Variants in KIF26A observed in about 807,000 individuals in gnomAD.
The protein encoded by KIF26A is kinesin family member 26A.
Under a neutral mutation model 126.0 loss-of-function variants are expected in KIF26A, and 74 were observed. The ratio of observed to expected loss-of-function variants is 0.59; its 90% CI spans 0.49 to 0.71. The LOEUF (loss-of-function observed/expected upper bound fraction) is 0.71, where lower values mean the gene tolerates loss of function less well. Ranked by LOEUF, KIF26A falls within the 30% of genes least tolerant of loss-of-function variation. The pLI, the probability that KIF26A is intolerant of heterozygous loss-of-function variation, is 0.00. For synonymous variants in KIF26A, 1,445 were observed against 1,232.7 expected, an observed-to-expected ratio of 1.17 and a Z score of -3.61; for missense variants, 2,984 against 2,763.3, an observed-to-expected ratio of 1.08 and a Z score of -1.79.
In KIF26A at chr14:104,170,108, C is replaced by T. The variant is rs912174099; in HGVS notation, c.1114-1615C>T. 5.3e-5 allele frequency among the ~76,000 whole-genome samples: 8 copies of T among 152,182 alleles called. No homozygotes were observed. In the East Asian group the frequency reaches 1.3e-3, roughly 26 times the overall value. The stretch of plus-strand genomic sequence containing the variant: ...AAGGGTGGCCGGCAGACGTAGAGAG[C>T]CAAACCGTGAGCCTCTCCACGCCAC... On this transcript the variant is annotated intron_variant, in intron 5 of 14. Transcript: ENST00000423312.
chr14:104,138,997 C>T (rs947983059), intron 1 of KIF26A, 46 bp from the exon 2 acceptor site: 6 of 1,323,410 alleles, frequency 4.5e-6, no homozygotes, highest in Non-Finnish European at 5.8e-6. Context: ...CTGGATCCGA[C>T]GGACGTCCCA....
chr14:104,154,362 G>GCATCCCTTCT (rs2037757943), intron 3 of KIF26A, among the ~76,000 whole-genome samples: 1 of 152,208 alleles, frequency 6.6e-6, no homozygotes, highest in Non-Finnish European at 1.5e-5. Context: ...AACGTTACTG[G>GCATCCCTTCT]GTCTGGCCAG....
chr14:104,178,451 C>T lies in KIF26A; in HGVS notation c.5111-99C>T, dbSNP rs2038060693. 1.9e-5 allele frequency: 17 copies of T among 915,556 alleles called. No homozygotes were observed. In the South Asian group the frequency reaches 3.9e-4, roughly 21 times the overall value. 56.7% of individuals were successfully genotyped at this position (915,556 alleles called of 1,614,324 possible). A position where few individuals can be genotyped will look rare whatever the true frequency, so the allele number is the denominator to read the frequency against. On this transcript the variant is annotated intron_variant, in intron 12 of 14. Transcript: ENST00000423312. ...TTCCTGGACTGGATCCCGAAGGCCT[C>T]CCTGTCAGGACTCGGGCCGGCTCCG... is the stretch of plus-strand genomic sequence containing the variant.
intron 13 of KIF26A, 33 bp downstream of exon 13, chr14:104,178,788 C>T (rs769601915): frequency 7.9e-7 from 1 of 1,263,954 alleles, no homozygotes; most frequent in Non-Finnish European, 1.1e-6. Flanking sequence ...GTCTATGACC[C>T]CTGGTGGGGA....
chr14:104,179,845 G>T lies in KIF26A; in HGVS notation c.*55G>T. On this transcript the variant is annotated 3_prime_UTR_variant, in exon 15 of 15. Transcript: ENST00000423312. ...TGCAGCGGGCTGGAGGACGGGACGT[G>T]GGACGGAGCGAGGATGTGGTGGGGG... is the stretch of plus-strand genomic sequence containing the variant. 6.9e-7 allele frequency: 1 copy of T among 1,459,186 alleles called. No individual in the cohort carries two copies. Among genetic ancestry groups the T allele is most frequent in the Admixed American group, 2.3e-5 (1 of 44,286 alleles). 90.4% of individuals were successfully genotyped at this position (1,459,186 alleles called of 1,614,324 possible). A position where few individuals can be genotyped will look rare whatever the true frequency, so the allele number is the denominator to read the frequency against.
chr14:104,169,585 A>G (rs1274793906), intron 5 of KIF26A, among the ~76,000 whole-genome samples: 2 of 152,272 alleles, frequency 1.3e-5, no homozygotes, highest in South Asian at 2.1e-4. Context: ...CTAATGTCAC[A>G]TAGTCAGAAA....
rs745819267 is a variant in KIF26A at position 104,177,795 on chromosome 14, C to A, written c.5007C>A (p.Ala1669=). The change falls in exon 12 of 15, where the codon GCC becomes GCA. Residue 1669 remains alanine (A), a synonymous_variant. Transcript: ENST00000423312. Reference sequence around the variant, plus strand: ...AGAGCCTGCGGCGCGACAGCGAGGCCACCGGCAGCGCCTCCTCCGCCCCTG... The same window carrying A: ...AGAGCCTGCGGCGCGACAGCGAGGCAACCGGCAGCGCCTCCTCCGCCCCTG... ...GYESLRRDSE[A]TGSASSAPDS... is the part of the protein sequence containing the mutation. 3.8e-5 allele frequency: 59 copies of A among 1,557,294 alleles called. No individual in the cohort carries two copies. Among genetic ancestry groups the A allele is most frequent in the Middle Eastern group, 1.7e-4 (1 of 5,826 alleles).
rs989945071 is a variant in KIF26A, at chr14:104,141,489, C to T, written c.288+2201C>T. 9.9e-5 allele frequency among the ~76,000 whole-genome samples: 15 copies of T among 152,188 alleles called. 1 individual carries two copies. The highest frequency in any genetic ancestry group is 8.5e-4 in the Admixed American group (13 of 15,286). On this transcript the variant is annotated intron_variant, in intron 2 of 14. Transcript: ENST00000423312. ...CCTGGCTATTAGAGGCCCTCGCCTC[C>T]GGGCTTCCTGCCTGTCTCCGTTGTA...
chr14:104,175,509 C>G lies in KIF26A; in HGVS notation c.2721C>G (p.Thr907=). 1 of 1,597,484 alleles carries G rather than the reference C, an allele frequency of 6.3e-7. No individual in the cohort carries two copies. The highest frequency in any genetic ancestry group is 8.5e-7 in the Non-Finnish European group (1 of 1,178,374). The change falls in exon 12 of 15, where the codon ACC becomes ACG. Residue 907 remains threonine, a synonymous_variant. Transcript: ENST00000423312. Reference sequence around the variant, plus strand: ...CTCGAGGCAGTTCTGGTCCAGACACCCACCAGGGTACCCCTGAGCCCTGCA... The same window carrying G: ...CTCGAGGCAGTTCTGGTCCAGACACGCACCAGGGTACCCCTGAGCCCTGCA... ...STPRGSSGPD[T]HQGTPEPCKA...
rs1483794382 is a variant in KIF26A, at chr14:104,172,012, G to C, written c.1326+77G>C. The stretch of plus-strand genomic sequence containing the variant: ...GGCTCAGCACATGGGTCCGATCTGC[G>C]CCCGCTTCTCCGTGCAGGGCGCAGA... On this transcript the variant is annotated intron_variant, in intron 6 of 14. Coordinates refer to ENST00000423312, the MANE Select transcript of KIF26A (RefSeq NM_015656.2). The C allele has an allele frequency of 5.1e-6, 7 of 1,363,004 alleles. No individual in the cohort carries two copies. The Admixed American group carries it at 8.2e-5, about 16-fold the overall frequency. 84.4% of individuals were successfully genotyped at this position (1,363,004 alleles called of 1,614,324 possible).
rs757773777 is a variant in KIF26A at position 104,173,270 on chromosome 14, A to AG, written c.1683+37dup. On this transcript the variant is annotated intron_variant, in intron 8 of 14. Transcript: ENST00000423312. ...CCTGCCTACTGTCCCACCTTGGGGG[A>AG]GGGGGGCTGCACTTGGCCCTGAGCC... The AG allele has an allele frequency of 3.7e-6, 6 of 1,601,058 alleles. No homozygotes were observed. The African/African-American group carries it at 5.4e-5, about 14-fold the overall frequency.
rs776383794 is a variant in KIF26A at position 104,175,982 on chromosome 14, C to T, written c.3194C>T (p.Ala1065Val). The change falls in exon 12 of 15, where the codon GCC becomes GTC. Residue 1065 changes from alanine to valine, a missense_variant. Ala to Val is a moderately conservative substitution (Grantham distance 64, BLOSUM62 0). Coordinates refer to ENST00000423312, the MANE Select transcript of KIF26A (RefSeq NM_015656.2). ...TTCGACAGTGACTGCTCCCTGCGGG[C>T]CCTGGCCTCGGGGTCCCGGCCAGTC... ...ASFDSDCSLRALASGSRPVSI... is the reference protein window; with the variant it reads ...ASFDSDCSLRVLASGSRPVSI... 6.3e-7 allele frequency: 1 copy of T among 1,578,840 alleles called. No individual in the cohort carries two copies.
At chr14:104,141,822 C>T (rs1417338786) in intron 2 of KIF26A, among the ~76,000 whole-genome samples, 1 of 152,234 alleles carries the variant, frequency 6.6e-6, no homozygotes, top group African/African-American at 2.4e-5. Context: ...TGCCCACCCT[C>T]CTGCCAGGAG....
At chr14:104,149,612 G>A (rs1289162768) in intron 2 of KIF26A, among the ~76,000 whole-genome samples, 1 of 151,816 alleles carries the variant, frequency 6.6e-6, no homozygotes, top group Non-Finnish European at 1.5e-5. Context: ...CTGGGTGGGG[G>A]CTTGGGTGGG....
rs2037909988 is a variant in KIF26A, at chr14:104,166,879, T to C, written c.944T>C (p.Leu315Pro). The change falls in exon 5 of 15, where the codon CTG becomes CCG. Residue 315 changes from leucine to proline, a missense_variant. Transcript: ENST00000423312. ...CCCAGGGCTATGCAGAAGCTCAGCCTGGCCTCCAAGAGGAAGAAGCCCCAC... is the reference window on the plus strand; with the variant it reads ...CCCAGGGCTATGCAGAAGCTCAGCCCGGCCTCCAAGAGGAAGAAGCCCCAC... ...FFIRAMQKLS[L>P]ASKRKKPHPP... The C allele has an allele frequency of 1.1e-5, 18 of 1,580,642 alleles. No individual in the cohort carries two copies. The highest frequency in any genetic ancestry group is 1.5e-5 in the Non-Finnish European group (18 of 1,164,492).
Position 104,177,487 on chromosome 14 carries a change from GTCC to G in KIF26A, c.4700_4702del (p.Val1567_His1568delinsAsp). On this transcript the variant is annotated inframe_deletion, in exon 12 of 15. Coordinates refer to ENST00000423312, the MANE Select transcript of KIF26A (RefSeq NM_015656.2). ...GGCGCTCCGGGCTGCTCACAGCCGC[GTCC>G]ATGAGCTGTCAGCCAGTGGAGCCCC... is the stretch of plus-strand genomic sequence containing the variant. 1.3e-6 allele frequency: 2 copies of G among 1,533,652 alleles called. No homozygotes were observed. The highest frequency in any genetic ancestry group is 8.7e-7 in the Non-Finnish European group (1 of 1,145,604).
chr14:104,156,611 G>T (rs897586992), intron 3 of KIF26A, among the ~76,000 whole-genome samples: 4 of 137,052 alleles, frequency 2.9e-5, no homozygotes, highest in Non-Finnish European at 6.4e-5. Flanking sequence ...GGTTGGGCAG[G>T]GTGAGCCGGC....
rs1173574558 is a variant in KIF26A, at chr14:104,152,106, T to A, written c.380T>A (p.Val127Asp). 3.1e-6 allele frequency: 5 copies of A among 1,612,260 alleles called. No homozygotes were observed. Among genetic ancestry groups the A allele is most frequent in the Non-Finnish European group, 4.2e-6 (5 of 1,179,738 alleles). The change falls in exon 3 of 15, where the codon GTC becomes GAC. Residue 127 changes from valine to aspartate, a missense_variant. Coordinates refer to ENST00000423312, the MANE Select transcript of KIF26A (RefSeq NM_015656.2). The surrounding 1 kb of genome is among the most constrained non-coding windows in gnomAD (Gnocchi z 5.9). ...CRPEAERRCD[V>D]CATHLQQLTR... ...CCAGAGGCCGAGCGCCGCTGTGACG[T>A]CTGCGCCACACACCTGCAGCAGCTC... is the stretch of plus-strand genomic sequence containing the variant.
chr14:104,140,840 G>A (rs1191384294), intron 2 of KIF26A, among the ~76,000 whole-genome samples: 3 of 152,146 alleles, frequency 2.0e-5, no homozygotes, highest in Non-Finnish European at 4.4e-5. Context: ...GCTGGCGCTG[G>A]CACTCAGCAC....
Sources: allele counts gnomAD v4.1 joint callset (sites outside exome capture counted in the v4.1 genomes callset), GRCh38; gene constraint gnomAD v4.1.1; non-coding constraint Gnocchi (gnomAD v3.1); transcripts MANE v1.5; gene names NCBI Gene and HGNC (gene_info 2026-07-23, HGNC 2026-07-21).